Variants in FMNL2 observed in about 807,000 individuals in gnomAD.
The protein encoded by FMNL2 is formin-like protein 2.
FMNL2 carries 51 observed loss-of-function variants against 130.2 expected under a neutral mutation model. That is an observed-to-expected ratio of 0.39 (90% CI 0.31 to 0.49). FMNL2 has a LOEUF of 0.49. FMNL2 is among the 20% of genes least tolerant of loss of function. The pLI, the probability that FMNL2 is intolerant of heterozygous loss-of-function variation, is 0.85. For synonymous variants in FMNL2, 465 were observed against 467.1 expected, an observed-to-expected ratio of 1.00 and a Z score of 0.06; for missense variants, 977 against 1,316.2, an observed-to-expected ratio of 0.74 and a Z score of 3.99.
intron 6 of FMNL2, among the ~76,000 whole-genome samples, chr2:152,568,817 T>TC (rs1280871488): frequency 6.6e-6 from 1 of 152,124 alleles, no homozygotes; most frequent in Non-Finnish European, 1.5e-5. Flanking sequence ...ACTGGGTCCC[T>TC]CCCACGATAC....
intron 5 of FMNL2, among the ~76,000 whole-genome samples, chr2:152,560,585 T>G (rs1217636646): frequency 6.6e-6 from 1 of 152,246 alleles, no homozygotes; most frequent in Non-Finnish European, 1.5e-5. Flanking sequence ...CCAATGTTAG[T>G]GACTTATATA....
intron 1 of FMNL2, among the ~76,000 whole-genome samples, chr2:152,377,003 A>T (rs1684212373): frequency 6.6e-6 from 1 of 152,214 alleles, no homozygotes; most frequent in South Asian, 2.1e-4. Flanking sequence ...TGTGGAAACA[A>T]CCTGCTTTGT....
At chr2:152,477,238 C>A (rs1690204321) in intron 1 of FMNL2, among the ~76,000 whole-genome samples, 2 of 152,150 alleles carry the variant, frequency 1.3e-5, no homozygotes, top group Admixed American at 6.5e-5. Context: ...CAGCTAGCTG[C>A]TGAAATCTAT....
intron 6 of FMNL2, among the ~76,000 whole-genome samples, chr2:152,574,585 T>G (rs1448885248): frequency 6.6e-6 from 1 of 152,200 alleles, no homozygotes; most frequent in African/African-American, 2.4e-5. Flanking sequence ...CTGGTTTTCA[T>G]TAGTGTATCT....
rs1369003128 is a variant in FMNL2 at position 152,628,277 on chromosome 2, A to G, written c.2166-22A>G. The G allele has an allele frequency of 5.0e-6, 8 of 1,606,550 alleles. No individual in the cohort carries two copies. The East Asian group carries it at 8.9e-5, about 18-fold the overall frequency. On this transcript the variant is annotated intron_variant, in intron 17 of 25. Transcript: ENST00000288670. ...TAGGAGGTTTTTCTCTCTAATGCTA[A>G]TCTCTCCACATCTGTCTTTAGATTT...
chr2:152,551,805 C>T (rs2105544698), intron 4 of FMNL2, among the ~76,000 whole-genome samples: 1 of 152,222 alleles, frequency 6.6e-6, no homozygotes, highest in East Asian at 1.9e-4. Flanking sequence ...TACTTGAGCC[C>T]AAGAGTTTGA....
chr2:152,509,391 A>T (rs1427992078), intron 1 of FMNL2, among the ~76,000 whole-genome samples: 1 of 151,946 alleles, frequency 6.6e-6, no homozygotes, highest in African/African-American at 2.4e-5. Flanking sequence ...TAATTTTATT[A>T]TGGGATTTTT....
Position 152,345,593 on chromosome 2 carries a change from T to G in FMNL2, c.117+9873T>G, listed in dbSNP as rs541891584. Among the ~76,000 whole-genome samples the G allele has an allele frequency of 3.9e-5, 6 of 152,350 alleles. No individual in the cohort carries two copies. In the East Asian group the frequency reaches 1.2e-3, roughly 29 times the overall value. On this transcript the variant is annotated intron_variant, in intron 1 of 25. Transcript: ENST00000288670. ...CTTTCATTCCCTGATATGGTCACCT[T>G]TGTTGTTCTTCCAAAGAAATTTTCT...
At chr2:152,547,019 TGCTGCAACC>T (rs1307803088) in intron 3 of FMNL2, among the ~76,000 whole-genome samples, 1 of 150,908 alleles carries the variant, frequency 6.6e-6, no homozygotes, top group Non-Finnish European at 1.5e-5. Context: ...GATTTCGGCT[TGCTGCAACC>T]GCTGCCTCCC....
chr2:152,521,833 G>T, intron 1 of FMNL2, 110 bp from the exon 2 acceptor site: 2 of 811,322 alleles, frequency 2.5e-6, no homozygotes, highest in Non-Finnish European at 4.1e-6. Flanking sequence ...GGAATTGAGA[G>T]AAAGTCATGA....
At chr2:152,457,149 G>T (rs1689003411) in intron 1 of FMNL2, among the ~76,000 whole-genome samples, 1 of 151,502 alleles carries the variant, frequency 6.6e-6, no homozygotes, top group Non-Finnish European at 1.5e-5. Context: ...AGTTATCAGA[G>T]TTGGATAAGG....
intron 1 of FMNL2, among the ~76,000 whole-genome samples, chr2:152,486,920 A>G (rs917267069): frequency 1.3e-5 from 2 of 152,230 alleles, no homozygotes; most frequent in African/African-American, 4.8e-5. Context: ...AGCCGTTAGT[A>G]AATTGCTTAA....
chr2:152,482,548 A>C (rs1352045853), intron 1 of FMNL2, among the ~76,000 whole-genome samples: 1 of 152,320 alleles, frequency 6.6e-6, no homozygotes, highest in East Asian at 1.9e-4. Context: ...TTTGCGTGTG[A>C]GGCAGTGTGC....
intron 6 of FMNL2, among the ~76,000 whole-genome samples, chr2:152,567,889 G>T (rs1329234827): frequency 6.6e-6 from 1 of 151,808 alleles, no homozygotes; most frequent in Non-Finnish European, 1.5e-5. Flanking sequence ...AGAAAATATA[G>T]CTTTTCTTTT....
intron 1 of FMNL2, among the ~76,000 whole-genome samples, chr2:152,425,447 A>G (rs538948099): frequency 6.6e-6 from 1 of 152,368 alleles, no homozygotes; most frequent in Non-Finnish European, 1.5e-5. Context: ...CATGGCAGTT[A>G]TAGAAACTTG....
Position 152,412,156 on chromosome 2 carries a change from A to G in FMNL2, c.117+76436A>G, listed in dbSNP as rs149999970. Among the ~76,000 whole-genome samples the G allele has an allele frequency of 3.8e-3, 571 of 152,088 alleles. 2 individuals are homozygous for G. The highest frequency in any genetic ancestry group is 0.014 in the Middle Eastern group (4 of 294). ...ATTAAAGCCTTCTCTGACCTGTATA[A>G]ATGAGACTGGCTTTTTCCTCTTAGT... On this transcript the variant is annotated intron_variant, in intron 1 of 25. Transcript: ENST00000288670.
At chr2:152,554,741 A>G (rs1332206783) in intron 4 of FMNL2, among the ~76,000 whole-genome samples, 4 of 152,222 alleles carry the variant, frequency 2.6e-5, no homozygotes, top group Non-Finnish European at 5.9e-5. Context: ...GGATGGGCTC[A>G]CTTCATATTT....
At chr2:152,361,176 T>A (rs916810711) in intron 1 of FMNL2, among the ~76,000 whole-genome samples, 4 of 152,200 alleles carry the variant, frequency 2.6e-5, no homozygotes, top group African/African-American at 7.2e-5. Context: ...GGCTTTTTTT[T>A]ATTCTTTGAT....
chr2:152,556,851 C>A (rs1234056319), intron 4 of FMNL2, among the ~76,000 whole-genome samples: 1 of 152,072 alleles, frequency 6.6e-6, no homozygotes, highest in East Asian at 1.9e-4. Context: ...AGAATATGTA[C>A]AACTGAGACT....
Sources: gnomAD v4.1 joint callset for allele counts (sites outside exome capture counted in the v4.1 genomes callset) on GRCh38, gnomAD v4.1.1 for gene constraint, MANE v1.5 for transcripts, NCBI Gene and HGNC (gene_info 2026-07-23, HGNC 2026-07-21) for gene names.